Variants in PCSK2 observed in about 807,000 individuals in gnomAD.
PCSK2 encodes the protein neuroendocrine convertase 2.
A neutral mutation model predicts 69.7 loss-of-function variants in PCSK2; 14 were observed. The ratio of observed to expected loss-of-function variants is 0.20; its 90% CI spans 0.13 to 0.31. The LOEUF (loss-of-function observed/expected upper bound fraction) is 0.31, where lower values mean the gene tolerates loss of function less well. Among genes scored for constraint, PCSK2 ranks in the 10% least tolerant of loss-of-function variants. PCSK2 has a pLI of 1.00. For synonymous variants in PCSK2, 307 were observed against 320.7 expected, an observed-to-expected ratio of 0.96 and a Z score of 0.46; for missense variants, 544 against 842.5, an observed-to-expected ratio of 0.65 and a Z score of 4.39.
intron 1 of PCSK2, among the ~76,000 whole-genome samples, chr20:17,255,900 G>A (rs1361364792): frequency 6.6e-6 from 1 of 151,996 alleles, no homozygotes; most frequent in Non-Finnish European, 1.5e-5. Context: ...TATTTGTAAG[G>A]GATCACAATC....
intron 2 of PCSK2, among the ~76,000 whole-genome samples, chr20:17,333,910 C>CATATATATATATATAGATATATATAT (rs1990271603): frequency 1.2e-5 from 1 of 86,372 alleles, no homozygotes; most frequent in Non-Finnish European, 2.4e-5. Context: ...TAAGTCACTG[C>CATATATATATATATAGATATATATAT]ATATATATAT....
Position 17,429,480 on chromosome 20 carries a change from CAAT to C in PCSK2, c.668_670del (p.Asn223del), listed in dbSNP as rs1568645814. On this transcript the variant is annotated inframe_deletion, in exon 7 of 12. Coordinates refer to ENST00000262545, the MANE Select transcript of PCSK2 (RefSeq NM_002594.5). ...GAGAAGTTTCTGCTGCCGCCAACAA[CAAT>C]ATCTGTGGAGTTGGAGTAGCATACA... 1.2e-6 allele frequency: 2 copies of C among 1,613,894 alleles called. No homozygotes were observed. The highest frequency in any genetic ancestry group is 1.1e-5 in the South Asian group (1 of 91,024).
At chr20:17,438,605 C>T (rs1381731343) in intron 8 of PCSK2, among the ~76,000 whole-genome samples, 1 of 152,152 alleles carries the variant, frequency 6.6e-6, no homozygotes, top group African/African-American at 2.4e-5. Context: ...CAATGGATGC[C>T]ATTGGTGCCC....
intron 2 of PCSK2, among the ~76,000 whole-genome samples, chr20:17,350,593 G>A (rs986741058): frequency 4.6e-5 from 7 of 152,170 alleles, no homozygotes; most frequent in African/African-American, 1.7e-4. Context: ...GATTGACTGT[G>A]TTATGTGCCC....
chr20:17,260,469 T>C, intron 2 of PCSK2, 125 bp downstream of exon 2: 2 of 668,040 alleles, frequency 3.0e-6, no homozygotes, highest in Non-Finnish European at 5.4e-6. Context: ...ATAGGGCAAA[T>C]GAATGCTTTG....
At position 17,346,887 on chromosome 20, in the gene PCSK2, G is replaced by C. The variant is rs114704910; in HGVS notation, c.283-11440G>C. Among the ~76,000 whole-genome samples, 684 of 152,208 alleles carry C rather than the reference G, an allele frequency of 4.5e-3. 9 individuals are homozygous for C. The highest frequency in any genetic ancestry group is 0.015 in the African/African-American group (618 of 41,518). Reference sequence around the variant, plus strand: ...GAAGCTGAGATTTCACTTTCTCGGGGTTCTCGTTGGCTGCCTTGGCACCTC... The same window carrying C: ...GAAGCTGAGATTTCACTTTCTCGGGCTTCTCGTTGGCTGCCTTGGCACCTC... On this transcript the variant is annotated intron_variant, in intron 2 of 11. Transcript: ENST00000262545.
At chr20:17,470,020 C>A (rs2033173714) in intron 11 of PCSK2, among the ~76,000 whole-genome samples, 1 of 152,198 alleles carries the variant, frequency 6.6e-6, no homozygotes, top group South Asian at 2.1e-4. Context: ...TCTGCCGTGT[C>A]TTTTGGGAAT....
chr20:17,269,967 A>T (rs6044716), intron 2 of PCSK2, among the ~76,000 whole-genome samples: 77,495 of 151,932 alleles, frequency 0.51, 19,939 homozygotes, highest in East Asian at 0.67. Context: ...TATAGTTTTT[A>T]AAAGAATTTC....
intron 7 of PCSK2, among the ~76,000 whole-genome samples, chr20:17,431,862 C>G (rs1328235568): frequency 6.6e-6 from 1 of 152,192 alleles, no homozygotes; most frequent in Non-Finnish European, 1.5e-5. Flanking sequence ...TAATTATTTG[C>G]TAAAAATGAG....
chr20:17,470,850 G>A (rs540507776), intron 11 of PCSK2, among the ~76,000 whole-genome samples: 33 of 152,172 alleles, frequency 2.2e-4, no homozygotes, highest in Non-Finnish European at 4.4e-4. Context: ...TCTGCAAGCA[G>A]GGAGTGGGGG....
intron 6 of PCSK2, among the ~76,000 whole-genome samples, chr20:17,416,314 T>C (rs779253629): frequency 3.2e-4 from 48 of 152,010 alleles, no homozygotes; most frequent in Non-Finnish European, 3.2e-4. Flanking sequence ...ACAAAGAACT[T>C]AAACAAATTT....
chr20:17,410,539 G>C (rs1389811166), intron 6 of PCSK2, among the ~76,000 whole-genome samples: 1 of 152,208 alleles, frequency 6.6e-6, no homozygotes, highest in Non-Finnish European at 1.5e-5. Flanking sequence ...GTAATATTTT[G>C]TAAAGATCAT....
intron 4 of PCSK2, among the ~76,000 whole-genome samples, chr20:17,368,205 T>C (rs1202024450): frequency 6.6e-6 from 1 of 152,232 alleles, no homozygotes; most frequent in East Asian, 1.9e-4. Flanking sequence ...GATTTAATGA[T>C]ACTTCTGGCT....
At position 17,350,426 on chromosome 20, in the gene PCSK2, C is replaced by T. The variant is rs148188592; in HGVS notation, c.283-7901C>T. Among the ~76,000 whole-genome samples the T allele has an allele frequency of 4.6e-5, 7 of 151,976 alleles. No individual in the cohort carries two copies. The East Asian group carries it at 1.4e-3, about 30-fold the overall frequency. Reference sequence around the variant, plus strand: ...AAGACGTCCCTCACCATCTTTGGAGCAGGTTTCCCCTTTGCTCCCCTTTCT... The same window carrying T: ...AAGACGTCCCTCACCATCTTTGGAGTAGGTTTCCCCTTTGCTCCCCTTTCT... On this transcript the variant is annotated intron_variant, in intron 2 of 11. Transcript: ENST00000262545.
At chr20:17,270,039 A>G (rs1009193732) in intron 2 of PCSK2, among the ~76,000 whole-genome samples, 8 of 152,138 alleles carry the variant, frequency 5.3e-5, no homozygotes, top group African/African-American at 1.9e-4. Flanking sequence ...TCTGCTTCAA[A>G]ATAAATTTTA....
rs113487407 is a variant in PCSK2 at position 17,481,413 on chromosome 20, A to AAAAAAAGAG, written c.1431-170_1431-169insAAAAAGAGA. Among the ~76,000 whole-genome samples, 46 of 115,824 alleles carry AAAAAAAGAG rather than the reference A, an allele frequency of 4.0e-4. 5 individuals carry two copies. The highest frequency in any genetic ancestry group is 4.3e-3 in the Middle Eastern group (1 of 232). The allele number at this position is 115,824 out of a possible 152,430, so 76.0% of individuals were successfully genotyped here. A position where few individuals can be genotyped will look rare whatever the true frequency, so the allele number is the denominator to read the frequency against. Reference sequence around the variant, plus strand: ...CAAAAAAAAAAAAAAAAAAAAAAAAAAGAGATAAGTAACTTACTCAGGCTC... The same window carrying AAAAAAAGAG: ...CAAAAAAAAAAAAAAAAAAAAAAAAAAAAAAAGAGAGAGATAAGTAACTTACTCAGGCTC... On this transcript the variant is annotated intron_variant, in intron 11 of 11. Transcript: ENST00000262545.
At chr20:17,461,465 C>T (rs1408920896) in intron 10 of PCSK2, among the ~76,000 whole-genome samples, 1 of 152,166 alleles carries the variant, frequency 6.6e-6, no homozygotes, top group South Asian at 2.1e-4. Flanking sequence ...AAACAACTTG[C>T]TCCAGGTCAC....
At chr20:17,440,405 C>A (rs1440069494) in intron 8 of PCSK2, among the ~76,000 whole-genome samples, 4 of 152,198 alleles carry the variant, frequency 2.6e-5, no homozygotes, top group Admixed American at 2.6e-4. Context: ...TAGAAAAGGG[C>A]AGCAGGGGTG....
intron 1 of PCSK2, among the ~76,000 whole-genome samples, chr20:17,237,998 TCAGA>T (rs1986409577): frequency 2.0e-5 from 3 of 152,174 alleles, no homozygotes; most frequent in African/African-American, 7.2e-5. Flanking sequence ...TGGCATATGC[TCAGA>T]CAGAGCAGAA....
Sources: gnomAD v4.1 joint callset for allele counts (sites outside exome capture counted in the v4.1 genomes callset) on GRCh38, gnomAD v4.1.1 for gene constraint, MANE v1.5 for transcripts, NCBI Gene and HGNC (gene_info 2026-07-23, HGNC 2026-07-21) for gene names.